Variants in TRDN observed in about 807,000 individuals in gnomAD.
The protein encoded by TRDN is triadin in skeletal muscle.
Under a neutral mutation model 149.7 loss-of-function variants are expected in TRDN, and 161 were observed. The observed-to-expected ratio is 1.08, with a 90% CI of 0.95 to 1.23. The LOEUF (loss-of-function observed/expected upper bound fraction) is 1.23, where lower values mean the gene tolerates loss of function less well. Among genes scored for constraint, TRDN ranks in the 50% most tolerant of loss-of-function variants. TRDN has a pLI of 0.00. For synonymous variants in TRDN, 294 were observed against 250.5 expected (o/e 1.17, Z -1.64); for missense variants, 896 against 823.5 (o/e 1.09, Z -1.08).
At chr6:123,379,601 A>G (rs1442849602) in intron 16 of TRDN, among the ~76,000 whole-genome samples, 1 of 152,208 alleles carries the variant, frequency 6.6e-6, no homozygotes, top group African/African-American at 2.4e-5. Context: ...TACCAGCTAT[A>G]CATAAGATTA....
chr6:123,311,458 C>A (rs1285488845), intron 24 of TRDN, among the ~76,000 whole-genome samples: 2 of 151,926 alleles, frequency 1.3e-5, no homozygotes, highest in African/African-American at 2.4e-5. Flanking sequence ...TTTGTCCCTG[C>A]AGTGAGGAAG....
intron 10 of TRDN, among the ~76,000 whole-genome samples, chr6:123,440,712 TA>T (rs1384201246): frequency 1.3e-5 from 2 of 152,204 alleles, no homozygotes; most frequent in Non-Finnish European, 2.9e-5. Flanking sequence ...AATATTTCAT[TA>T]AAAAGCTTGT....
At chr6:123,232,893 A>C (rs1775658156) in intron 38 of TRDN, among the ~76,000 whole-genome samples, 1 of 152,038 alleles carries the variant, frequency 6.6e-6, no homozygotes, top group South Asian at 2.1e-4. Flanking sequence ...AGCCCCCTAA[A>C]TAATGCACGT....
chr6:123,279,444 G>T lies in TRDN; in HGVS notation c.1511-362C>A, dbSNP rs771329543. On this transcript the variant is annotated intron_variant, in intron 24 of 40. Transcript: ENST00000334268. ...TAGTGGCCAGTCTGTGGGCCATTTT[G>T]TCAGCCTCTGCTCTATTCATAGTCA... 5.9e-5 allele frequency among the ~76,000 whole-genome samples: 9 copies of T among 152,064 alleles called. No homozygotes were observed. In the East Asian group the frequency reaches 1.7e-3, roughly 29 times the overall value.
intron 12 of TRDN, among the ~76,000 whole-genome samples, chr6:123,416,297 A>G (rs1773646796): frequency 1.3e-5 from 2 of 152,114 alleles, no homozygotes; most frequent in African/African-American, 4.8e-5. Context: ...AGATCTCCAC[A>G]ACTCGGTTAA....
chr6:123,560,027 A>G (rs1270258425), intron 2 of TRDN, among the ~76,000 whole-genome samples: 1 of 151,788 alleles, frequency 6.6e-6, no homozygotes, highest in Non-Finnish European at 1.5e-5. Flanking sequence ...CAGTCTAGTC[A>G]GAATTCTTAC....
intron 10 of TRDN, among the ~76,000 whole-genome samples, chr6:123,457,258 A>G (rs1416742874): frequency 1.3e-5 from 2 of 152,208 alleles, no homozygotes; most frequent in Non-Finnish European, 2.9e-5. Flanking sequence ...TCATGGGGGA[A>G]CATTCCTGGT....
At chr6:123,423,869 T>C (rs1397611400) in intron 12 of TRDN, among the ~76,000 whole-genome samples, 3 of 152,138 alleles carry the variant, frequency 2.0e-5, no homozygotes, top group Admixed American at 2.0e-4. Context: ...AAATAAATCA[T>C]CTTCCTTTTT....
chr6:123,503,596 T>C lies in TRDN; in HGVS notation c.793+123A>G, dbSNP rs898957805. The C allele has an allele frequency of 2.7e-6, 4 of 1,493,834 alleles. No homozygotes were observed. The African/African-American group carries it at 4.3e-5, about 16-fold the overall frequency. 92.5% of individuals were successfully genotyped at this position (1,493,834 alleles called of 1,614,324 possible). ...TATTTCTTTTCTGATATATTTACTT[T>C]AATGTCTTTTACCCCCATTTGAAGT... On this transcript the variant is annotated intron_variant, in intron 8 of 40. Transcript: ENST00000334268.
At chr6:123,309,133 C>T (rs1228780590) in intron 24 of TRDN, among the ~76,000 whole-genome samples, 1 of 151,934 alleles carries the variant, frequency 6.6e-6, no homozygotes, top group Non-Finnish European at 1.5e-5. Context: ...ACTCTACATG[C>T]CATTATGACT....
intron 32 of TRDN, 76 bp downstream of exon 32, chr6:123,267,631 A>C (rs1769122456): frequency 2.0e-6 from 2 of 989,808 alleles, no homozygotes; most frequent in Non-Finnish European, 1.5e-6. Flanking sequence ...AATGACTTGT[A>C]TGCATTACTT....
chr6:123,440,673 G>A (rs1774826759), intron 10 of TRDN, among the ~76,000 whole-genome samples: 1 of 152,104 alleles, frequency 6.6e-6, no homozygotes, highest in South Asian at 2.1e-4. Context: ...CAGTATCCAA[G>A]TCTCCAAGTT....
At chr6:123,369,595 T>C (rs1781244142) in intron 19 of TRDN, among the ~76,000 whole-genome samples, 1 of 152,140 alleles carries the variant, frequency 6.6e-6, no homozygotes, top group Admixed American at 6.5e-5. Flanking sequence ...TAACAAAAGT[T>C]GAAAATATTC....
chr6:123,288,484 T>C (rs1777878884), intron 24 of TRDN, among the ~76,000 whole-genome samples: 2 of 152,068 alleles, frequency 1.3e-5, no homozygotes, highest in Non-Finnish European at 2.9e-5. Flanking sequence ...ATCATACTTC[T>C]GATAAAGGGC....
chr6:123,594,024 G>T (rs1035870580), intron 1 of TRDN, among the ~76,000 whole-genome samples: 5 of 152,016 alleles, frequency 3.3e-5, no homozygotes, highest in Non-Finnish European at 2.9e-5. Context: ...TCATAATTAG[G>T]TTAGCTGGAT....
rs754886050 is a variant in TRDN, at chr6:123,636,783, G to A, written c.-8C>T. ...AGCAGTGATCTCAGTCATGGTGGTC[G>A]TCAAAAGTAAAAGTCAGTTGAAAAG... On this transcript the variant is annotated 5_prime_UTR_variant, in exon 1 of 41. In the 5' UTR this introduces an upstream ATG that the reference lacks. Coordinates refer to ENST00000334268, the MANE Select transcript of TRDN (RefSeq NM_006073.4). The A allele has an allele frequency of 1.9e-5, 30 of 1,611,080 alleles. No individual in the cohort carries two copies. The highest frequency in any genetic ancestry group is 1.2e-4 in the Admixed American group (7 of 59,758).
At chr6:123,422,137 G>T (rs913997112) in intron 12 of TRDN, among the ~76,000 whole-genome samples, 1 of 152,138 alleles carries the variant, frequency 6.6e-6, no homozygotes, top group African/African-American at 2.4e-5. Flanking sequence ...GATGTGCGTA[G>T]GTTATATGCA....
intron 1 of TRDN, among the ~76,000 whole-genome samples, chr6:123,620,278 T>C (rs1785314805): frequency 6.6e-6 from 1 of 152,160 alleles, no homozygotes; most frequent in African/African-American, 2.4e-5. Flanking sequence ...TAGGCCATAC[T>C]CTCCTCTTAC....
chr6:123,476,205 G>A, intron 9 of TRDN, among the ~76,000 whole-genome samples: 1 of 53,248 alleles, frequency 1.9e-5, no homozygotes, highest in African/African-American at 6.7e-5. Flanking sequence ...AGCAACTTCA[G>A]CAAAGTCTCA....
Sources: gnomAD v4.1 joint callset for allele counts (sites outside exome capture counted in the v4.1 genomes callset) on GRCh38, gnomAD v4.1.1 for gene constraint, MANE v1.5 for transcripts, NCBI Gene and HGNC (gene_info 2026-07-23, HGNC 2026-07-21) for gene names.